Variants in SEC14L2 observed in about 807,000 individuals in gnomAD.
SEC14L2 encodes SEC14-like protein 2.
A neutral mutation model predicts 56.9 loss-of-function variants in SEC14L2; 50 were observed. The ratio of observed to expected loss-of-function variants is 0.88; its 90% confidence interval spans 0.70 to 1.11. The LOEUF is 1.11. SEC14L2 is among the 50% of genes most tolerant of loss of function. The pLI is 0.00. For synonymous variants in SEC14L2, 179 were observed against 188.5 expected (o/e 0.95, Z 0.41); for missense variants, 414 against 500.7 (o/e 0.83, Z 1.65).
intron 9 of SEC14L2, 40 bp downstream of exon 9, chr22:30,415,905 G>T: frequency 1.2e-6 from 2 of 1,614,122 alleles, no homozygotes; most frequent in Non-Finnish European, 8.5e-7. Context: ...AGGGATGCCT[G>T]GCTCAAATGC....
intron 11 of SEC14L2, chr22:30,420,831 T>G (rs1934497085): frequency 6.6e-6 from 1 of 152,182 alleles, no homozygotes; most frequent in Non-Finnish European, 1.5e-5. Flanking sequence ...CATTCAGTTC[T>G]CCTGAAGCGG....
chr22:30,410,146 T>C (rs567709253), intron 7 of SEC14L2, among the ~76,000 whole-genome samples: 11 of 148,520 alleles, frequency 7.4e-5, no homozygotes, highest in Non-Finnish European at 1.3e-4. Flanking sequence ...TGCAGTGAGC[T>C]GAGAGCTCAC....
intron 5 of SEC14L2, among the ~76,000 whole-genome samples, chr22:30,408,865 C>A (rs572374397): frequency 6.6e-6 from 1 of 152,204 alleles, no homozygotes; most frequent in South Asian, 2.1e-4. Flanking sequence ...AGTGGCTCTA[C>A]GGGTACCGTG....
intron 8 of SEC14L2, among the ~76,000 whole-genome samples, chr22:30,415,004 C>T (rs770727967): frequency 1.4e-4 from 22 of 152,162 alleles, no homozygotes; most frequent in Non-Finnish European, 2.6e-4. Context: ...CCTTCCTGCC[C>T]GCCACACGTG....
rs1472790620 is a variant in SEC14L2, at chr22:30,409,483, AAAGGT to A, written c.580+1_580+5del. ...AACACTGAAGCGTCTTTTTGTTGTT[AAAGGT>A]AAGTTGGGAATTTCTTGTGATAAAG... On this transcript the variant is annotated splice_donor_variant and coding_sequence_variant, in exon 7 of 12. Coordinates refer to ENST00000615189, the MANE Select transcript of SEC14L2 (RefSeq NM_012429.5). LOFTEE classifies it high-confidence loss of function. 5 of 1,613,956 alleles carry A rather than the reference AAAGGT, an allele frequency of 3.1e-6. No individual in the cohort carries two copies. The African/African-American group carries it at 6.7e-5, about 22-fold the overall frequency.
intron 1 of SEC14L2, chr22:30,398,799 C>G (rs1933833923): frequency 2.1e-6 from 1 of 470,382 alleles, no homozygotes; most frequent in Non-Finnish European, 4.4e-6. Flanking sequence ...AGTGTGTGCT[C>G]TGGACTCAGA....
intron 11 of SEC14L2, among the ~76,000 whole-genome samples, chr22:30,417,482 T>C (rs1186906619): frequency 6.6e-6 from 1 of 152,194 alleles, no homozygotes; most frequent in East Asian, 1.9e-4. Flanking sequence ...TCATCAGAGC[T>C]GAGCTGGACT....
chr22:30,418,484 GT>G (rs1222408896), intron 11 of SEC14L2, among the ~76,000 whole-genome samples: 2 of 152,304 alleles, frequency 1.3e-5, no homozygotes, highest in East Asian at 3.9e-4. Context: ...CTTCTCTTTA[GT>G]ATCTGAAGGA....
intron 2 of SEC14L2, among the ~76,000 whole-genome samples, chr22:30,404,461 A>G (rs1314059185): frequency 6.6e-6 from 1 of 152,190 alleles, no homozygotes; most frequent in Non-Finnish European, 1.5e-5. Flanking sequence ...GGGACCGGTG[A>G]CAGTCCAGAG....
chr22:30,406,995 A>T, intron 3 of SEC14L2, 100 bp from the exon 4 acceptor site: 1 of 1,158,920 alleles, frequency 8.6e-7, no homozygotes. Flanking sequence ...CAAGTGATCC[A>T]CCCGCCTTGG....
intron 1 of SEC14L2, 100 bp from the exon 2 acceptor site, chr22:30,399,543 A>C: frequency 4.3e-6 from 3 of 701,442 alleles, no homozygotes; most frequent in Non-Finnish European, 6.8e-6. Flanking sequence ...AAAAAGAAAC[A>C]AAGAAAGAGG....
intron 1 of SEC14L2, among the ~76,000 whole-genome samples, chr22:30,399,031 C>A (rs1183992293): frequency 1.3e-5 from 2 of 152,162 alleles, no homozygotes; most frequent in Non-Finnish European, 2.9e-5. Flanking sequence ...ATCAGAGTGC[C>A]TACTATCACG....
intron 11 of SEC14L2, chr22:30,421,502 A>C (rs1478589208): frequency 2.0e-5 from 3 of 152,244 alleles, no homozygotes; most frequent in African/African-American, 7.2e-5. Flanking sequence ...GTATTCTATC[A>C]CATGGATTAC....
intron 2 of SEC14L2, among the ~76,000 whole-genome samples, chr22:30,403,678 C>G (rs1054127275): frequency 4.6e-5 from 7 of 152,162 alleles, no homozygotes; most frequent in Admixed American, 4.6e-4. Context: ...ATAAGGGGCT[C>G]ACAGTTCGCC....
intron 1 of SEC14L2, chr22:30,397,929 G>T: frequency 2.1e-6 from 1 of 469,386 alleles, no homozygotes; most frequent in Non-Finnish European, 4.4e-6. Context: ...TTGAGGGCGG[G>T]ACCTTCCTCT....
chr22:30,423,939 T>C lies in SEC14L2; in HGVS notation c.*1532T>C, dbSNP rs1239122995. ...CAGGGACCCGGACCCAGCAGCCGTTTCACGCCAATAGATAGGGCGCATGCG... is the reference window on the plus strand; with the variant it reads ...CAGGGACCCGGACCCAGCAGCCGTTCCACGCCAATAGATAGGGCGCATGCG... On this transcript the variant is annotated 3_prime_UTR_variant, in exon 12 of 12. Transcript: ENST00000615189. 1 of 152,292 alleles carries C rather than the reference T, an allele frequency of 6.6e-6. No individual in the cohort carries two copies. Among genetic ancestry groups the C allele is most frequent in the African/African-American group, 2.4e-5 (1 of 41,472 alleles). The allele number at this position is 152,292 out of a possible 1,614,324, so 9.4% of individuals were successfully genotyped here.
chr22:30,400,586 T>G (rs1446320031), intron 2 of SEC14L2: 1 of 151,948 alleles, frequency 6.6e-6, no homozygotes, highest in Non-Finnish European at 1.5e-5. Flanking sequence ...TTAACAGACA[T>G]AGAAATAATA....
At chr22:30,409,758 G>T (rs1463266130) in intron 7 of SEC14L2, among the ~76,000 whole-genome samples, 1 of 152,066 alleles carries the variant, frequency 6.6e-6, no homozygotes, top group African/African-American at 2.4e-5. Context: ...AAATGAGCTG[G>T]GTATGGTGGT....
chr22:30,418,436 C>T (rs1178877147), intron 11 of SEC14L2, among the ~76,000 whole-genome samples: 1 of 152,136 alleles, frequency 6.6e-6, no homozygotes, highest in Non-Finnish European at 1.5e-5. Flanking sequence ...TAGGAGAGCC[C>T]CAAACCATTT....
Sources: allele counts gnomAD v4.1 joint callset (sites outside exome capture counted in the v4.1 genomes callset), GRCh38; gene constraint gnomAD v4.1.1; transcripts MANE v1.5; gene names NCBI Gene and HGNC (gene_info 2026-07-23, HGNC 2026-07-21).